The following KLHL22 variants were observed in gnomAD, a reference collection of about 807,000 sequenced individuals.
KLHL22 encodes the protein kelch-like protein 22.
KLHL22 carries 18 observed loss-of-function variants against 60.7 expected under a neutral mutation model. The observed-to-expected ratio is 0.30, with a 90% CI of 0.20 to 0.44. The LOEUF (loss-of-function observed/expected upper bound fraction) is 0.44, where lower values mean the gene tolerates loss of function less well. Ranked by LOEUF, KLHL22 falls within the 20% of genes least tolerant of loss-of-function variation. The pLI is 1.00. For missense variants in KLHL22, 596 were observed against 852.3 expected (o/e 0.70, Z 3.74); for synonymous variants, 355 against 354.5 (o/e 1.00, Z -0.01).
chr22:20,467,547 A>T (rs911855454), intron 3 of KLHL22, among the ~76,000 whole-genome samples: 2 of 152,342 alleles, frequency 1.3e-5, no homozygotes, highest in South Asian at 2.1e-4. Flanking sequence ...AACTCCAGCC[A>T]TGTGTTCAAT....
At chr22:20,475,312 T>C (rs2053393809) in intron 2 of KLHL22, 2 of 152,176 alleles carry the variant, frequency 1.3e-5, no homozygotes, top group Admixed American at 6.5e-5. Context: ...CGGACCAACC[T>C]ATCTTCGTTT....
intron 5 of KLHL22, 102 bp from the exon 6 acceptor site, chr22:20,446,778 C>G: frequency 1.2e-6 from 1 of 829,216 alleles, no homozygotes; most frequent in Non-Finnish European, 2.0e-6. Context: ...CCTGACAACG[C>G]TGTGAGGCTT....
chr22:20,451,517 G>A (rs2052978967), intron 5 of KLHL22: 2 of 1,598,288 alleles, frequency 1.3e-6, no homozygotes, highest in African/African-American at 1.3e-5. Flanking sequence ...TCTGGTGCAG[G>A]AGTAGCCCTG....
At chr22:20,454,245 C>T (rs2053028101) in intron 5 of KLHL22, among the ~76,000 whole-genome samples, 1 of 152,078 alleles carries the variant, frequency 6.6e-6, no homozygotes, top group Non-Finnish European at 1.5e-5. Flanking sequence ...AGGAGGATCA[C>T]TTGAACCAGG....
rs199638024 is a variant in KLHL22, at chr22:20,457,829, G to A, written c.1284C>T (p.Tyr428=). 1,785 of 1,605,152 alleles carry A rather than the reference G, an allele frequency of 1.1e-3. 5 individuals carry two copies. Among genetic ancestry groups the A allele is most frequent in the Non-Finnish European group, 1.5e-3 (1,721 of 1,175,704 alleles). Residue 428 remains tyrosine, a synonymous_variant, in exon 5 of 7, where the codon TAC becomes TAT. Coordinates refer to ENST00000328879, the MANE Select transcript of KLHL22 (RefSeq NM_032775.4). ...TTACCTCCCTCTTGAGTGGGGCCACGTATGCCCAGGAGTTGGTGGCAGGGT... is the reference window on the plus strand; with the variant it reads ...TTACCTCCCTCTTGAGTGGGGCCACATATGCCCAGGAGTTGGTGGCAGGGT... ...RYDPATNSWA[Y]VAPLKREVYA... is the part of the protein sequence containing the mutation.
chr22:20,491,507 AT>A (rs955404349), intron 1 of KLHL22: 1 of 152,196 alleles, frequency 6.6e-6, no homozygotes, highest in African/African-American at 2.4e-5. Context: ...TAGAAGTTGT[AT>A]GCCAAGAAAT....
At chr22:20,452,270 T>C (rs2052991910) in intron 5 of KLHL22, among the ~76,000 whole-genome samples, 1 of 151,862 alleles carries the variant, frequency 6.6e-6, no homozygotes, top group African/African-American at 2.4e-5. Context: ...CTTTTTTTTT[T>C]CCAGGAACAA....
intron 2 of KLHL22, chr22:20,483,194 G>A: frequency 1.5e-6 from 1 of 646,116 alleles, no homozygotes; most frequent in Non-Finnish European, 2.8e-6. Context: ...GATCTCCAAG[G>A]ACTGGACGTA....
intron 2 of KLHL22, chr22:20,483,550 C>T (rs1477343034): frequency 1.5e-5 from 11 of 723,042 alleles, no homozygotes; most frequent in Middle Eastern, 3.9e-4. Context: ...AATCACTTTG[C>T]GAAGCCCATG....
intron 2 of KLHL22, chr22:20,482,880 T>C (rs2053527167): frequency 2.5e-6 from 3 of 1,218,568 alleles, no homozygotes; most frequent in Admixed American, 1.7e-5. Context: ...ATCTGGCAGG[T>C]GGTGGTCTTT....
At chr22:20,452,586 G>A (rs1215654805) in intron 5 of KLHL22, among the ~76,000 whole-genome samples, 3 of 152,210 alleles carry the variant, frequency 2.0e-5, no homozygotes, top group African/African-American at 7.2e-5. Flanking sequence ...GCATAAAAGA[G>A]TGAACCAATG....
intron 5 of KLHL22, among the ~76,000 whole-genome samples, chr22:20,453,298 C>T (rs2053008495): frequency 6.6e-6 from 1 of 151,694 alleles, no homozygotes; most frequent in African/African-American, 2.4e-5. Flanking sequence ...CATTTAACTC[C>T]ATAAACCATT....
chr22:20,457,839 G>A lies in KLHL22; in HGVS notation c.1274C>T (p.Ser425Phe), dbSNP rs2053087456. 4 of 1,608,048 alleles carry A rather than the reference G, an allele frequency of 2.5e-6. No individual in the cohort carries two copies. The highest frequency in any genetic ancestry group is 3.4e-6 in the Non-Finnish European group (4 of 1,177,202). ...CTTGAGTGGGGCCACGTATGCCCAG[G>A]AGTTGGTGGCAGGGTCGTAGCGCTC... is the stretch of plus-strand genomic sequence containing the variant. ...AVERYDPATN[S>F]WAYVAPLKRE... The change falls in exon 5 of 7, where the codon TCC becomes TTC. Residue 425 changes from serine (S) to phenylalanine (F), a missense_variant. Physicochemically the swap from Ser to Phe is radical, Grantham distance 155 (BLOSUM62 -2). Transcript: ENST00000328879.
chr22:20,454,068 C>A (rs2053024404), intron 5 of KLHL22, among the ~76,000 whole-genome samples: 6 of 152,182 alleles, frequency 3.9e-5, no homozygotes, highest in Admixed American at 3.3e-4. Flanking sequence ...TGTGATGGCT[C>A]ACTTCTCTAA....
At chr22:20,468,080 T>TA (rs2053262466) in intron 3 of KLHL22, among the ~76,000 whole-genome samples, 1 of 151,170 alleles carries the variant, frequency 6.6e-6, no homozygotes, top group South Asian at 2.1e-4. Flanking sequence ...GTCAGGCAGG[T>TA]ATGTGCCCTA....
intron 2 of KLHL22, among the ~76,000 whole-genome samples, chr22:20,488,097 C>G (rs1572877): frequency 0.19 from 29,650 of 152,078 alleles, 3,729 homozygotes; most frequent in Non-Finnish European, 0.28. Flanking sequence ...GGCACTTAAA[C>G]CATACATATT....
chr22:20,483,674 C>T (rs879092183), intron 2 of KLHL22: 2 of 731,972 alleles, frequency 2.7e-6, no homozygotes, highest in South Asian at 1.3e-5. Context: ...GCGTTGTCCA[C>T]AGTATTTGCA....
intron 4 of KLHL22, among the ~76,000 whole-genome samples, chr22:20,458,231 C>CACAG (rs2053095166): frequency 6.6e-6 from 1 of 151,254 alleles, no homozygotes; most frequent in South Asian, 2.1e-4. Flanking sequence ...CAGGAGCCTC[C>CACAG]TGTGTTTCCA....
chr22:20,478,857 C>T (rs1350900540), intron 2 of KLHL22, among the ~76,000 whole-genome samples: 29 of 146,962 alleles, frequency 2.0e-4, no homozygotes, highest in African/African-American at 4.7e-4. Flanking sequence ...GGGCTGGGCG[C>T]GGTGGCTCAT....
Sources: allele counts gnomAD v4.1 joint callset (sites outside exome capture counted in the v4.1 genomes callset), GRCh38; gene constraint gnomAD v4.1.1; transcripts MANE v1.5; gene names NCBI Gene and HGNC (gene_info 2026-07-23, HGNC 2026-07-21).